Variants in PYHIN1 observed in about 807,000 individuals in gnomAD.
PYHIN1 encodes the protein pyrin and HIN domain family member 1, also known as pyrin and HIN domain-containing protein 1.
A neutral mutation model predicts 43.7 loss-of-function variants in PYHIN1; 32 were observed. The ratio of observed to expected loss-of-function variants is 0.73; its 90% CI spans 0.55 to 0.98. The LOEUF is 0.98. Ranked by LOEUF, PYHIN1 falls within the 50% of genes least tolerant of loss-of-function variation. The pLI is 0.00. For synonymous variants in PYHIN1, 205 were observed against 203.1 expected, an observed-to-expected ratio of 1.01 and a Z score of -0.08; for missense variants, 588 against 589.5, an observed-to-expected ratio of 1.00 and a Z score of 0.03.
At chr1:158,935,881 G>C (rs1245329904) in intron 1 of PYHIN1, among the ~76,000 whole-genome samples, 3 of 152,088 alleles carry the variant, frequency 2.0e-5, no homozygotes, top group African/African-American at 7.2e-5. Flanking sequence ...TAAACACTGA[G>C]ACAATTGCTT....
intron 1 of PYHIN1, among the ~76,000 whole-genome samples, 167 bp from the exon 2 acceptor site, chr1:158,936,724 A>T (rs1045176250): frequency 1.3e-5 from 2 of 152,192 alleles, no homozygotes; most frequent in African/African-American, 4.8e-5. Context: ...TCTATGACAA[A>T]CCCACAGCCA....
chr1:158,983,892 T>C, the PYHIN1 span, among the ~76,000 whole-genome samples: 10 of 152,114 alleles, frequency 6.6e-5, no homozygotes, highest in African/African-American at 1.2e-4. Flanking sequence ...CAGGAATTTA[T>C]CTGTTTCTTC....
intron 7 of PYHIN1, among the ~76,000 whole-genome samples, chr1:158,965,291 G>A (rs1650570919): frequency 6.6e-6 from 1 of 152,056 alleles, no homozygotes; most frequent in South Asian, 2.1e-4. Context: ...CAATAATAGT[G>A]GGAGACTTCA....
chr1:158,964,589 T>G (rs1311847127), intron 7 of PYHIN1, among the ~76,000 whole-genome samples: 1 of 152,110 alleles, frequency 6.6e-6, no homozygotes, highest in Non-Finnish European at 1.5e-5. Context: ...TATTCAGCAT[T>G]CTTAAAGAAA....
At chr1:158,934,687 A>G (rs149083783) in intron 1 of PYHIN1, among the ~76,000 whole-genome samples, 28 of 152,206 alleles carry the variant, frequency 1.8e-4, no homozygotes, top group African/African-American at 6.0e-4. Context: ...CAAGAGGTAC[A>G]CAAATACATG....
At chr1:158,957,895 A>C (rs1227360494) in intron 7 of PYHIN1, among the ~76,000 whole-genome samples, 8 of 151,200 alleles carry the variant, frequency 5.3e-5, no homozygotes, top group African/African-American at 1.5e-4. Flanking sequence ...CAATGAACTC[A>C]AACAAATTTA....
At position 158,942,136 on chromosome 1, in the gene PYHIN1, A is replaced by G. The variant is rs1365793377; in HGVS notation, c.739A>G (p.Thr247Ala). 1.9e-6 allele frequency: 3 copies of G among 1,614,180 alleles called. No homozygotes were observed. The highest frequency in any genetic ancestry group is 2.2e-5 in the East Asian group (1 of 44,884). ...GTTTCATGCTACAGTGGCTACGCAG[A>G]CACAGTTCTTTCATGTGAAGGTTTT... The part of the protein sequence containing the change: ...RMFHATVATQ[T>A]QFFHVKVLNI... The change falls in exon 5 of 9, where the codon ACA (threonine) becomes GCA (alanine). Residue 247 changes from threonine (T) to alanine (A), a missense_variant. By Grantham distance (58) the Thr-to-Ala change is moderately conservative. Coordinates refer to ENST00000368140, the MANE Select transcript of PYHIN1 (RefSeq NM_152501.5).
At chr1:158,953,163 T>C (rs182066209) in intron 7 of PYHIN1, among the ~76,000 whole-genome samples, 16,333 of 149,074 alleles carry the variant, frequency 0.11, 1,017 homozygotes, top group Non-Finnish European at 0.12. Context: ...AAGGCAGCAG[T>C]GAGGCTGGGG....
intron 8 of PYHIN1, among the ~76,000 whole-genome samples, chr1:158,975,779 C>G (rs886880372): frequency 6.6e-6 from 1 of 151,948 alleles, no homozygotes; most frequent in Non-Finnish European, 1.5e-5. Context: ...TTTGGCTGGG[C>G]CTTTTACTGA....
chr1:158,971,440 A>ATG (rs1650928366), intron 7 of PYHIN1, among the ~76,000 whole-genome samples: 1 of 151,892 alleles, frequency 6.6e-6, no homozygotes, highest in African/African-American at 2.4e-5. Flanking sequence ...ATATATATAT[A>ATG]TAAAGACATG....
intron 7 of PYHIN1, among the ~76,000 whole-genome samples, chr1:158,959,736 T>A (rs1650216029): frequency 6.6e-6 from 1 of 152,214 alleles, no homozygotes; most frequent in African/African-American, 2.4e-5. Context: ...TTACTTTTCA[T>A]GATAGCGTTT....
the PYHIN1 span, among the ~76,000 whole-genome samples, chr1:158,988,992 TC>T: frequency 3.3e-5 from 5 of 152,268 alleles, no homozygotes; most frequent in East Asian, 9.7e-4. Flanking sequence ...TGAACCTGGA[TC>T]CAAAGAGCCT....
the PYHIN1 span, among the ~76,000 whole-genome samples, chr1:158,982,981 C>G: frequency 6.6e-6 from 1 of 151,996 alleles, no homozygotes; most frequent in African/African-American, 2.4e-5. Context: ...AATTTTTGTA[C>G]ATTGATTTTG....
chr1:158,958,925 G>T (rs1650154493), intron 7 of PYHIN1, among the ~76,000 whole-genome samples: 1 of 151,260 alleles, frequency 6.6e-6, no homozygotes, highest in Admixed American at 6.6e-5. Context: ...GGCTCCGCTA[G>T]CCTTAAGCGG....
At chr1:158,980,584 G>C (rs1019116925), downstream of PYHIN1, among the ~76,000 whole-genome samples, 2 of 152,052 alleles carry the variant, frequency 1.3e-5, no homozygotes, top group African/African-American at 4.8e-5. Flanking sequence ...TTGAGATAAG[G>C]ACTGAGATAC....
intron 4 of PYHIN1, 176 bp downstream of exon 4, chr1:158,939,423 A>AG: frequency 6.4e-7 from 1 of 1,555,586 alleles, no homozygotes; most frequent in South Asian, 1.2e-5. Context: ...TGAACTTGAC[A>AG]TTATCTCTGA....
Position 158,943,905 on chromosome 1 carries a change from G to C in PYHIN1, c.1118G>C (p.Arg373Pro). 6.2e-7 allele frequency: 1 copy of C among 1,608,920 alleles called. No individual in the cohort carries two copies. The highest frequency in any genetic ancestry group is 8.5e-7 in the Non-Finnish European group (1 of 1,176,390). ...NIPCEKGDKL[R>P]LFCFRLRKRE... ...CCCTGTGAAAAAGGAGATAAGCTTC[G>C]ACTCTTCTGCTTTCGACTGAGAAAG... Residue 373 changes from arginine to proline, a missense_variant, in exon 6 of 9, where the codon CGA (arginine) becomes CCA (proline). Transcript: ENST00000368140.
chr1:158,968,674 G>A (rs764032881), intron 7 of PYHIN1, among the ~76,000 whole-genome samples: 15 of 152,088 alleles, frequency 9.9e-5, no homozygotes, highest in Non-Finnish European at 2.1e-4. Flanking sequence ...ATTCACAATA[G>A]CAAAGACATG....
At chr1:158,956,221 G>A (rs1649919539) in intron 7 of PYHIN1, among the ~76,000 whole-genome samples, 1 of 149,964 alleles carries the variant, frequency 6.7e-6, no homozygotes, top group South Asian at 2.1e-4. Context: ...CCAATCAATA[G>A]AAAAAGAGGG....
Sources: allele counts gnomAD v4.1 joint callset (sites outside exome capture counted in the v4.1 genomes callset), GRCh38; gene constraint gnomAD v4.1.1; transcripts MANE v1.5; gene names NCBI Gene and HGNC (gene_info 2026-07-23, HGNC 2026-07-21).